Variants in BORA observed in about 807,000 individuals in gnomAD.
BORA encodes the protein BORA aurora kinase A activator.
In BORA, 26 loss-of-function variants were observed where a neutral mutation model predicts 55.8. That is an observed-to-expected ratio of 0.47 (90% confidence interval 0.34 to 0.65). The LOEUF (loss-of-function observed/expected upper bound fraction) is 0.65. Among genes scored for constraint, BORA ranks in the 30% least tolerant of loss-of-function variants. BORA has a pLI of 0.01. For missense variants in BORA, 568 were observed against 671.5 expected (o/e 0.85, Z 1.70); for synonymous variants, 201 against 216.9 (o/e 0.93, Z 0.64).
At chr13:72,729,133 TGTAA>T (rs2032754215) in intron 2 of BORA, 40 bp downstream of exon 2, 7 of 1,406,398 alleles carry the variant, frequency 5.0e-6, no homozygotes, top group African/African-American at 1.5e-5. Context: ...TAATTTTAAA[TGTAA>T]GTAATTACAA....
At chr13:72,734,854 G>A (rs2032886368) in intron 3 of BORA, 106 bp from the exon 4 acceptor site, 1 of 746,330 alleles carries the variant, frequency 1.3e-6, no homozygotes, top group African/African-American at 1.8e-5. Context: ...CTTAACATTT[G>A]CCAGTTTTCA....
chr13:72,742,765 TATACACACACAC>T (rs1343448563), intron 5 of BORA, among the ~76,000 whole-genome samples: 1,162 of 53,968 alleles, frequency 0.022, 19 homozygotes, highest in African/African-American at 0.047. Context: ...TATATATATA[TATACACACACAC>T]ACACACACAC....
intron 2 of BORA, 149 bp from the exon 3 acceptor site, chr13:72,731,132 A>G: frequency 1.7e-6 from 1 of 596,078 alleles, no homozygotes. Flanking sequence ...ACCCTTTGCC[A>G]TTTAATTTCA....
At chr13:72,733,297 G>A (rs371283868) in intron 3 of BORA, among the ~76,000 whole-genome samples, 3 of 152,126 alleles carry the variant, frequency 2.0e-5, no homozygotes, top group African/African-American at 7.2e-5. Flanking sequence ...GCATACCAGT[G>A]TAAGCAGGTG....
At position 72,728,026 on chromosome 13, in the gene BORA, G is replaced by A. The variant is rs2138030435; in HGVS notation, c.-16+19G>A. ...CGCACCGGTAGGTACGCTCTTTGTG[G>A]TCCCTGGCCTTTCCTCCTGTCTGAA... On this transcript the variant is annotated intron_variant, in intron 1 of 11. Transcript: ENST00000390667. 1 of 1,550,150 alleles carries A rather than the reference G, an allele frequency of 6.5e-7. No individual in the cohort carries two copies.
chr13:72,729,276 G>A (rs1209721359), intron 2 of BORA, among the ~76,000 whole-genome samples, 183 bp downstream of exon 2: 1 of 95,948 alleles, frequency 1.0e-5, no homozygotes, highest in Non-Finnish European at 2.3e-5. Context: ...TAATAAGTTA[G>A]CTAGAAGATT....
Position 72,745,217 on chromosome 13 carries a change from A to G in BORA, c.738+10A>G, listed in dbSNP as rs1045654656. The G allele has an allele frequency of 6.2e-7, 1 of 1,606,072 alleles. No individual in the cohort carries two copies. The highest frequency in any genetic ancestry group is 8.5e-7 in the Non-Finnish European group (1 of 1,173,304). The stretch of plus-strand genomic sequence containing the variant: ...GCAGACACCAAGTTCGGTGAGAAGT[A>G]TACTAAAAAGCAGTTGGCTAATATG... On this transcript the variant is annotated intron_variant, in intron 8 of 11. Transcript: ENST00000390667.
intron 7 of BORA, 149 bp from the exon 8 acceptor site, chr13:72,744,832 T>C: frequency 1.4e-6 from 1 of 689,788 alleles, no homozygotes. Flanking sequence ...ATTTAAGATG[T>C]AAAACATCAA....
At chr13:72,734,908 TC>T (rs2032887595) in intron 3 of BORA, 51 bp from the exon 4 acceptor site, 2 of 1,323,124 alleles carry the variant, frequency 1.5e-6, no homozygotes. Flanking sequence ...TTTAAAATGT[TC>T]AATAAGCTTA....
chr13:72,742,869 A>G (rs2033064527), intron 5 of BORA, among the ~76,000 whole-genome samples: 1 of 152,136 alleles, frequency 6.6e-6, no homozygotes, highest in Non-Finnish European at 1.5e-5. Flanking sequence ...GTGACAACAT[A>G]TATGAATCTA....
At chr13:72,731,588 T>A (rs1244203428) in intron 3 of BORA, among the ~76,000 whole-genome samples, 1 of 152,228 alleles carries the variant, frequency 6.6e-6, no homozygotes. Flanking sequence ...CCTGAGTAGA[T>A]ACCTTTTTCT....
At chr13:72,744,900 G>A in intron 7 of BORA, 81 bp from the exon 8 acceptor site, 1 of 1,318,684 alleles carries the variant, frequency 7.6e-7, no homozygotes. Context: ...GTGCATGCTG[G>A]CTTCTTAAAA....
intron 5 of BORA, among the ~76,000 whole-genome samples, chr13:72,740,018 T>TG (rs34267942): frequency 0.23 from 34,498 of 151,866 alleles, 4,827 homozygotes; most frequent in African/African-American, 0.4. Flanking sequence ...GTATGAGGGT[T>TG]GGGGGGTCAG....
At chr13:72,743,691 TG>T (rs1235671347) in intron 6 of BORA, 89 bp downstream of exon 6, 30 of 933,088 alleles carry the variant, frequency 3.2e-5, no homozygotes, top group Non-Finnish European at 4.6e-5. Flanking sequence ...CACTTTACTC[TG>T]GAATTGAAAT....
chr13:72,728,733 T>G (rs2032742286), intron 1 of BORA, among the ~76,000 whole-genome samples, 193 bp from the exon 2 acceptor site: 1 of 152,220 alleles, frequency 6.6e-6, no homozygotes, highest in South Asian at 2.1e-4. Flanking sequence ...CTGCTATAGC[T>G]TTCAAGGTTG....
chr13:72,751,294 G>A (rs573687897), intron 10 of BORA, among the ~76,000 whole-genome samples: 1 of 152,234 alleles, frequency 6.6e-6, no homozygotes, highest in African/African-American at 2.4e-5. Flanking sequence ...AGAGATACCT[G>A]TACTCCAGTG....
At chr13:72,750,825 G>A (rs1289854301) in intron 10 of BORA, among the ~76,000 whole-genome samples, 2 of 152,048 alleles carry the variant, frequency 1.3e-5, no homozygotes, top group African/African-American at 2.4e-5. Context: ...TATAAATGAG[G>A]GAACTGAGGC....
intron 3 of BORA, among the ~76,000 whole-genome samples, chr13:72,733,486 A>G (rs1367084967): frequency 6.6e-6 from 1 of 152,144 alleles, no homozygotes; most frequent in Non-Finnish European, 1.5e-5. Flanking sequence ...ACTCTAGAGT[A>G]TTTGGCCACA....
chr13:72,753,398 G>A (rs551421211), intron 10 of BORA: 17 of 228,698 alleles, frequency 7.4e-5, no homozygotes, highest in African/African-American at 3.2e-4. Context: ...TGTCTACTAG[G>A]TACGATCACA....
Sources: gnomAD v4.1 joint callset for allele counts (sites outside exome capture counted in the v4.1 genomes callset) on GRCh38, gnomAD v4.1.1 for gene constraint, MANE v1.5 for transcripts, NCBI Gene and HGNC (gene_info 2026-07-23, HGNC 2026-07-21) for gene names.